HS6ST2: variants seen among roughly 807,000 people sequenced by gnomAD.
HS6ST2 encodes the protein heparan-sulfate 6-O-sulfotransferase 2.
A neutral mutation model predicts 33.0 loss-of-function variants in HS6ST2; 17 were observed. The observed-to-expected ratio is 0.52, with a 90% confidence interval of 0.35 to 0.77. The LOEUF is 0.77. Ranked by LOEUF, HS6ST2 falls within the 30% of genes least tolerant of loss-of-function variation. The pLI, the probability that HS6ST2 is intolerant of heterozygous loss-of-function variation, is 0.01. For synonymous variants in HS6ST2, 248 were observed against 237.1 expected, an observed-to-expected ratio of 1.05 and a Z score of -0.42; for missense variants, 519 against 551.7, an observed-to-expected ratio of 0.94 and a Z score of 0.59.
chrX:132,961,078 G>A (rs780319258), upstream of HS6ST2, among the ~76,000 whole-genome samples: 1 of 108,247 alleles, frequency 9.2e-6, no homozygotes, highest in South Asian at 4.4e-4. Flanking sequence ...GAATGACAAA[G>A]GCTCAAATGC....
chrX:132,826,243 G>A (rs1392043355), intron 2 of HS6ST2, among the ~76,000 whole-genome samples: 1 of 111,808 alleles, frequency 8.9e-6, no homozygotes, highest in Admixed American at 9.5e-5. Context: ...TTTTTGTTTT[G>A]GTTTTGGTTT....
intron 3 of HS6ST2, among the ~76,000 whole-genome samples, chrX:132,695,788 AG>A (rs2064099985): frequency 8.9e-6 from 1 of 112,033 alleles, no homozygotes; most frequent in Non-Finnish European, 1.9e-5. Context: ...GACTCACAAA[AG>A]TTTAAAAGTG....
chrX:132,774,976 C>T (rs1286272154), intron 2 of HS6ST2, among the ~76,000 whole-genome samples: 9 of 111,064 alleles, frequency 8.1e-5, no homozygotes, highest in African/African-American at 2.3e-4. Flanking sequence ...CCACTGTGCC[C>T]GGCCCAAAGT....
At chrX:132,754,429 T>G (rs986176641) in intron 2 of HS6ST2, among the ~76,000 whole-genome samples, 2 of 108,866 alleles carry the variant, frequency 1.8e-5, no homozygotes, top group Non-Finnish European at 3.8e-5. Context: ...TTTTTTTTTT[T>G]TTTTTGAAAC....
At chrX:132,689,318 T>C (rs996996377) in intron 3 of HS6ST2, among the ~76,000 whole-genome samples, 3 of 112,091 alleles carry the variant, frequency 2.7e-5, no homozygotes, top group Non-Finnish European at 5.6e-5. Context: ...ATCTGCCTGA[T>C]AGGAAGTCTG....
At chrX:132,882,243 C>A (rs1233100214) in intron 2 of HS6ST2, among the ~76,000 whole-genome samples, 1 of 111,713 alleles carries the variant, frequency 9.0e-6, no homozygotes, top group Non-Finnish European at 1.9e-5. Context: ...AATATTGATT[C>A]TTCCTATCCA....
chrX:132,907,714 C>A (rs955986873), intron 2 of HS6ST2: 2 of 111,869 alleles, frequency 1.8e-5, no homozygotes, highest in African/African-American at 6.5e-5. Flanking sequence ...GTCAAGTCGA[C>A]GTCCACATGC....
intron 2 of HS6ST2, among the ~76,000 whole-genome samples, chrX:132,853,317 C>CTT (rs57523861): frequency 1.1e-5 from 1 of 94,150 alleles, no homozygotes; most frequent in Non-Finnish European, 2.1e-5. Flanking sequence ...GGGTGCCTGG[C>CTT]TTTTTTTTTT....
chrX:132,956,870 C>T lies in HS6ST2; in HGVS notation c.885G>A (p.Glu295=). Residue 295 remains glutamate (E), a synonymous_variant, in exon 2 of 5, where the codon GAG becomes GAA. Coordinates refer to ENST00000370833, the MANE Select transcript of HS6ST2 (RefSeq NM_001394073.1). ...CCACGGAGGGCACACAGCTGGTGAG[C>T]TCGGTCCAGTCGGCGTGCAACCCGC... is the stretch of plus-strand genomic sequence containing the variant. ...WSCGLHADWT[E]LTSCVPSVVD... is the part of the protein sequence containing the mutation. 8.4e-7 allele frequency: 1 copy of T among 1,187,513 alleles called. No individual in the cohort carries two copies. The highest frequency in any genetic ancestry group is 2.3e-5 in the Admixed American group (1 of 42,597).
At chrX:132,898,100 C>T (rs1004209116) in intron 2 of HS6ST2, among the ~76,000 whole-genome samples, 3 of 109,486 alleles carry the variant, frequency 2.7e-5, no homozygotes, top group East Asian at 2.9e-4. Context: ...CTGCATGCAA[C>T]GGATCTAGGT....
intron 2 of HS6ST2, among the ~76,000 whole-genome samples, chrX:132,794,571 G>GATTATTATTATTATTATT (rs780917977): frequency 1.3e-4 from 13 of 98,887 alleles, no homozygotes; most frequent in African/African-American, 4.0e-4. Flanking sequence ...TGATGATGAT[G>GATTATTATTATTATTATT]ATGATTATTA....
In HS6ST2 at chrX:132,943,216, T is replaced by G. The variant is rs867673962; in HGVS notation, c.947+13592A>C. ...CTTCAGGTCTCCATTCCACTTAGCTTGTATAGACTTAGCCACAGAAAAGAA... is the reference window on the plus strand; with the variant it reads ...CTTCAGGTCTCCATTCCACTTAGCTGGTATAGACTTAGCCACAGAAAAGAA... On this transcript the variant is annotated intron_variant, in intron 2 of 4. Coordinates refer to ENST00000370833, the MANE Select transcript of HS6ST2 (RefSeq NM_001394073.1). 2.7e-5 allele frequency among the ~76,000 whole-genome samples: 3 copies of G among 111,846 alleles called. No individual in the cohort carries two copies. In the South Asian group the frequency reaches 1.1e-3, roughly 42 times the overall value.
At chrX:132,779,695 T>A (rs1338569683) in intron 2 of HS6ST2, among the ~76,000 whole-genome samples, 1 of 109,108 alleles carries the variant, frequency 9.2e-6, no homozygotes, top group African/African-American at 3.5e-5. Flanking sequence ...CCAGAACACA[T>A]AATAATGATG....
chrX:132,806,886 G>A (rs1381484091), intron 2 of HS6ST2, among the ~76,000 whole-genome samples: 2 of 109,399 alleles, frequency 1.8e-5, no homozygotes, highest in Non-Finnish European at 3.8e-5. Context: ...AATGACATAT[G>A]AGTTCATGGT....
intron 2 of HS6ST2, among the ~76,000 whole-genome samples, chrX:132,910,858 T>A (rs2066524994): frequency 9.0e-6 from 1 of 111,522 alleles, no homozygotes; most frequent in Non-Finnish European, 1.9e-5. Flanking sequence ...ATGTTAAAAA[T>A]CTTAGAAGGG....
At chrX:132,668,866 G>C (rs2063832560) in intron 4 of HS6ST2, among the ~76,000 whole-genome samples, 1 of 111,096 alleles carries the variant, frequency 9.0e-6, no homozygotes, top group African/African-American at 3.3e-5. Flanking sequence ...TCAGCCCTAA[G>C]CTATCTTTCC....
intron 2 of HS6ST2, among the ~76,000 whole-genome samples, chrX:132,934,357 G>T (rs1232528892): frequency 9.0e-6 from 1 of 111,652 alleles, no homozygotes; most frequent in African/African-American, 3.2e-5. Context: ...AAATATACTT[G>T]TTCTCTCACT....
At chrX:132,663,610 G>C (rs887320418) in intron 4 of HS6ST2, among the ~76,000 whole-genome samples, 2 of 112,884 alleles carry the variant, frequency 1.8e-5, no homozygotes, top group African/African-American at 6.4e-5. Flanking sequence ...ACAAGCTTTT[G>C]TGATATTAGA....
At chrX:132,859,955 C>T (rs867175611) in intron 2 of HS6ST2, among the ~76,000 whole-genome samples, 89 of 109,361 alleles carry the variant, frequency 8.1e-4, no homozygotes, top group Non-Finnish European at 7.8e-4. Context: ...AAAATGGCTC[C>T]TTATATCCAT....
Sources: gnomAD v4.1 joint callset for allele counts (sites outside exome capture counted in the v4.1 genomes callset) on GRCh38, gnomAD v4.1.1 for gene constraint, MANE v1.5 for transcripts, NCBI Gene and HGNC (gene_info 2026-07-23, HGNC 2026-07-21) for gene names.